The following SAP18 variants were observed in gnomAD, a reference collection of about 807,000 sequenced individuals.
The protein encoded by SAP18 is Sin3A associated protein 18.
SAP18 carries 4 observed loss-of-function variants against 18.6 expected under a neutral mutation model. The observed-to-expected ratio is 0.21, with a 90% CI of 0.11 to 0.49. The LOEUF is 0.49. SAP18 is among the 20% of genes least tolerant of loss of function. The pLI is 0.98. For synonymous variants in SAP18, 112 were observed against 82.8 expected (o/e 1.35, Z -1.92); for missense variants, 170 against 226.4 (o/e 0.75, Z 1.60).
chr13:21,142,061 C>CG (rs907492571), intron 2 of SAP18, among the ~76,000 whole-genome samples: 1 of 149,056 alleles, frequency 6.7e-6, no homozygotes, highest in Non-Finnish European at 1.5e-5. Flanking sequence ...CTGAGGCTGG[C>CG]GGATCACTTG....
upstream of SAP18, chr13:21,140,432 A>G: frequency 2.6e-6 from 3 of 1,159,130 alleles, no homozygotes; most frequent in Non-Finnish European, 3.6e-6. Context: ...AAGTCGCAAC[A>G]CGCAGGCGCG....
exon 4 of SAP18, chr13:21,147,903 GC>G (rs1869704954): frequency 6.6e-6 from 1 of 152,450 alleles, no homozygotes; most frequent in African/African-American, 2.4e-5. Flanking sequence ...AACACAATGA[GC>G]ACTTAAGTTT....
At chr13:21,145,083 T>TTC (rs1869602054) in intron 2 of SAP18, among the ~76,000 whole-genome samples, 1 of 150,456 alleles carries the variant, frequency 6.6e-6, no homozygotes, top group African/African-American at 2.5e-5. Context: ...TTTTTTTTTT[T>TTC]TGAGACAGAG....
At chr13:21,140,395 G>A (rs1361293438), upstream of SAP18, 1 of 721,188 alleles carries the variant, frequency 1.4e-6, no homozygotes, top group African/African-American at 1.8e-5. Context: ...CCTCCTCCCC[G>A]CGGACGTCAG....
chr13:21,142,755 T>C (rs1869515054), intron 2 of SAP18, among the ~76,000 whole-genome samples: 1 of 152,202 alleles, frequency 6.6e-6, no homozygotes, highest in African/African-American at 2.4e-5. Flanking sequence ...CTTTTTTTAA[T>C]TTTTAAAGAG....
At chr13:21,146,423 T>TTC (rs1352034356) in intron 2 of SAP18, 1 of 156,070 alleles carries the variant, frequency 6.4e-6, no homozygotes, top group Non-Finnish European at 1.4e-5. Flanking sequence ...GATGCTAAAA[T>TTC]GTGGAAGGGT....
At chr13:21,148,664 T>C (rs993382307) in exon 4 of SAP18, 3 of 151,992 alleles carry the variant, frequency 2.0e-5, no homozygotes, top group Non-Finnish European at 2.9e-5. Flanking sequence ...CCCAAACCTT[T>C]AGGTTGTTTA....
At chr13:21,140,831 C>T in intron 1 of SAP18, 55 bp from the exon 2 acceptor site, 1 of 1,576,374 alleles carries the variant, frequency 6.3e-7, no homozygotes, top group South Asian at 1.1e-5. Flanking sequence ...AGATGAGCTC[C>T]GGGTTCGCAG....
chr13:21,144,137 T>TTG (rs1400427068), intron 2 of SAP18, among the ~76,000 whole-genome samples: 37 of 152,176 alleles, frequency 2.4e-4, no homozygotes, highest in African/African-American at 8.0e-4. Flanking sequence ...CTGGGCGTGG[T>TTG]GGCTCACGCC....
At chr13:21,140,427 G>A, upstream of SAP18, 1 of 1,099,202 alleles carries the variant, frequency 9.1e-7, no homozygotes, top group South Asian at 1.6e-5. Context: ...TCCCGAAGTC[G>A]CAACACGCAG....
At chr13:21,145,633 G>A (rs117712832) in intron 2 of SAP18, among the ~76,000 whole-genome samples, 4,128 of 152,272 alleles carry the variant, frequency 0.027, 96 homozygotes, top group Non-Finnish European at 0.04. Flanking sequence ...AGCCTCTCGA[G>A]TAGCTGGGAT....
chr13:21,140,411 G>A (rs907256876), upstream of SAP18: 8 of 900,636 alleles, frequency 8.9e-6, no homozygotes, highest in Middle Eastern at 3.5e-4. Flanking sequence ...GTCAGCACCC[G>A]CCTTTTCCCG....
chr13:21,144,233 C>T lies in SAP18; in HGVS notation c.240-2572C>T, dbSNP rs747008935. The stretch of plus-strand genomic sequence containing the variant: ...CAGCCTGGCCAACATGGTGAAACCC[C>T]GTCTCTGCTAAAAATACAAAAATTA... On this transcript the variant is annotated intron_variant, in intron 2 of 3. Coordinates refer to ENST00000621421, the Ensembl canonical transcript of SAP18. 1.4e-4 allele frequency among the ~76,000 whole-genome samples: 22 copies of T among 151,884 alleles called. 1 individual carries two copies. The highest frequency in any genetic ancestry group is 2.6e-4 in the Non-Finnish European group (18 of 67,944).
At position 21,140,868 on chromosome 13, in the gene SAP18, GT is replaced by G. The variant is rs896940106; in HGVS notation, c.130-14del. On this transcript the variant is annotated splice_polypyrimidine_tract_variant and intron_variant, in intron 1 of 3. Coordinates refer to ENST00000621421, the Ensembl canonical transcript of SAP18. ...TGGTGTTTTTAACTTCTGCCCTTCC[GT>G]TTTCTCTCTCCCTCAGACATGCCCA... The G allele has an allele frequency of 6.2e-7, 1 of 1,607,140 alleles. No homozygotes were observed. Among genetic ancestry groups the G allele is most frequent in the Non-Finnish European group, 8.5e-7 (1 of 1,173,936 alleles).
chr13:21,144,715 C>G (rs1352033481), intron 2 of SAP18, among the ~76,000 whole-genome samples: 1 of 152,096 alleles, frequency 6.6e-6, no homozygotes, highest in African/African-American at 2.4e-5. Flanking sequence ...GTACTGAACC[C>G]CACCCTGTCC....
At chr13:21,141,056 C>A in intron 2 of SAP18, 61 bp downstream of exon 2, 2 of 1,047,664 alleles carry the variant, frequency 1.9e-6, no homozygotes, top group Non-Finnish European at 3.0e-6. Flanking sequence ...CAGTTAATTG[C>A]CTTTGCCAGT....
upstream of SAP18, chr13:21,140,468 A>C: frequency 6.9e-7 from 1 of 1,442,652 alleles, no homozygotes; most frequent in Non-Finnish European, 9.3e-7. Context: ...CACGCACGGA[A>C]GTGCGCCTGC....
chr13:21,143,901 C>T (rs1175381937), intron 2 of SAP18, among the ~76,000 whole-genome samples: 1 of 152,142 alleles, frequency 6.6e-6, no homozygotes, highest in Non-Finnish European at 1.5e-5. Flanking sequence ...AAGGCCTGCC[C>T]TCATTCCCAG....
At chr13:21,146,784 T>A (rs1869666031) in intron 2 of SAP18, 21 bp from the exon 3 acceptor site, 5 of 1,565,656 alleles carry the variant, frequency 3.2e-6, no homozygotes, top group Non-Finnish European at 4.3e-6. Flanking sequence ...AATGTAAATG[T>A]CTTTTTTAAA....
Sources: allele counts gnomAD v4.1 joint callset (sites outside exome capture counted in the v4.1 genomes callset), GRCh38; gene constraint gnomAD v4.1.1; transcripts MANE v1.5; gene names NCBI Gene and HGNC (gene_info 2026-07-23, HGNC 2026-07-21).